TTC23: variants seen among roughly 807,000 people sequenced by gnomAD.
TTC23 encodes the protein tetratricopeptide repeat domain 23.
A neutral mutation model predicts 55.1 loss-of-function variants in TTC23; 58 were observed. That is an observed-to-expected ratio of 1.05 (90% confidence interval 0.85 to 1.31). The LOEUF (loss-of-function observed/expected upper bound fraction) is 1.31, where lower values mean the gene tolerates loss of function less well. Ranked by LOEUF, TTC23 falls within the 50% of genes most tolerant of loss-of-function variation. The probability of loss-of-function intolerance (pLI) is 0.00; values close to 1 mark genes in which losing one functional copy is unlikely to be tolerated. For missense variants in TTC23, 516 were observed against 534.4 expected (o/e 0.97, Z 0.34); for synonymous variants, 203 against 199.9 (o/e 1.02, Z -0.13).
chr15:99,212,426 T>C (rs572287106), intron 8 of TTC23, among the ~76,000 whole-genome samples: 3 of 152,214 alleles, frequency 2.0e-5, no homozygotes, highest in Non-Finnish European at 4.4e-5. Flanking sequence ...TGACTTTCTT[T>C]ACCAGATTTA....
intron 9 of TTC23, among the ~76,000 whole-genome samples, chr15:99,177,160 TCTG>T (rs1371266683): frequency 6.6e-6 from 1 of 152,226 alleles, no homozygotes. Context: ...CATGTTAAAA[TCTG>T]CTAAGCTACT....
intron 11 of TTC23, among the ~76,000 whole-genome samples, chr15:99,156,807 A>G (rs895028806): frequency 6.6e-6 from 1 of 152,218 alleles, no homozygotes; most frequent in African/African-American, 2.4e-5. Flanking sequence ...GTCAGGAAAC[A>G]ACACGAATGT....
chr15:99,245,857 T>C (rs1484723218), intron 1 of TTC23, among the ~76,000 whole-genome samples: 1 of 146,084 alleles, frequency 6.8e-6, no homozygotes, highest in South Asian at 2.1e-4. Context: ...CTCGCTGGAG[T>C]GCAGTGGCGT....
intron 5 of TTC23, among the ~76,000 whole-genome samples, chr15:99,225,380 T>C (rs1178801437): frequency 6.6e-6 from 1 of 152,096 alleles, no homozygotes; most frequent in Non-Finnish European, 1.5e-5. Flanking sequence ...GGAAATCATC[T>C]CACCTGGTCC....
intron 8 of TTC23, among the ~76,000 whole-genome samples, chr15:99,210,976 C>T (rs1350876643): frequency 1.3e-5 from 2 of 152,190 alleles, no homozygotes; most frequent in African/African-American, 4.8e-5. Context: ...TCTTCCCCAT[C>T]CCCTTTCCTT....
At chr15:99,172,036 G>C (rs62025664) in intron 10 of TTC23, among the ~76,000 whole-genome samples, 1 of 147,592 alleles carries the variant, frequency 6.8e-6, no homozygotes, top group Non-Finnish European at 1.5e-5. Context: ...TTTTTTTTTG[G>C]AGACAGAGTA....
intron 3 of TTC23, among the ~76,000 whole-genome samples, chr15:99,238,157 TG>T (rs1440379582): frequency 1.3e-5 from 2 of 151,634 alleles, no homozygotes; most frequent in Non-Finnish European, 2.9e-5. Context: ...TCAGTAGAGA[TG>T]GGGTTTCACC....
intron 12 of TTC23, chr15:99,139,773 T>G (rs782106391): frequency 2.3e-6 from 3 of 1,294,262 alleles, no homozygotes; most frequent in Admixed American, 4.8e-5. Flanking sequence ...AATAGTTTTG[T>G]TTTTTTTGTA....
At chr15:99,218,842 TGTAA>T (rs2077678696) in intron 7 of TTC23, 52 bp downstream of exon 7, 5 of 1,597,912 alleles carry the variant, frequency 3.1e-6, no homozygotes, top group South Asian at 2.2e-5. Flanking sequence ...TTACTTGGCG[TGTAA>T]GTGTTACGTG....
At chr15:99,172,335 T>C (rs2073054520) in intron 10 of TTC23, among the ~76,000 whole-genome samples, 1 of 152,206 alleles carries the variant, frequency 6.6e-6, no homozygotes, top group African/African-American at 2.4e-5. Flanking sequence ...TGAGTGCATG[T>C]CACCGAATGC....
chr15:99,211,801 C>T lies in TTC23; in HGVS notation c.581+6787G>A, dbSNP rs559634446. On this transcript the variant is annotated intron_variant, in intron 8 of 13. Transcript: ENST00000394132. Reference sequence around the variant, plus strand: ...AAGCACAAGATCTACCCAAGTTCTACAGCTGGGAAGTTTGAACAAACACTG... The same window carrying T: ...AAGCACAAGATCTACCCAAGTTCTATAGCTGGGAAGTTTGAACAAACACTG... 2.0e-5 allele frequency among the ~76,000 whole-genome samples: 3 copies of T among 152,312 alleles called. No individual in the cohort carries two copies. In the South Asian group the frequency reaches 6.2e-4, roughly 32 times the overall value.
chr15:99,202,555 T>C (rs1159085658), intron 8 of TTC23, among the ~76,000 whole-genome samples: 8 of 152,234 alleles, frequency 5.3e-5, no homozygotes, highest in Non-Finnish European at 1.2e-4. Context: ...TTTCCTGAGA[T>C]AAGCCACTAA....
At chr15:99,166,450 G>A (rs1360461661) in intron 10 of TTC23, among the ~76,000 whole-genome samples, 7 of 152,162 alleles carry the variant, frequency 4.6e-5, no homozygotes, top group Admixed American at 1.3e-4. Flanking sequence ...TCAGACTTAC[G>A]GACGCCCAGT....
chr15:99,203,178 T>C (rs117309679), intron 8 of TTC23, among the ~76,000 whole-genome samples: 16 of 152,050 alleles, frequency 1.1e-4, no homozygotes, highest in East Asian at 5.8e-4. Flanking sequence ...TCTTATCCAA[T>C]TGAACTTTAA....
intron 8 of TTC23, among the ~76,000 whole-genome samples, chr15:99,213,008 G>GAAA (rs1567501244): frequency 0.079 from 8,175 of 103,632 alleles, 506 homozygotes; most frequent in East Asian, 0.23. Context: ...AAAAAAAAAG[G>GAAA]GGGGGACATA....
chr15:99,236,420 A>G (rs2079320534), intron 3 of TTC23, among the ~76,000 whole-genome samples: 1 of 151,212 alleles, frequency 6.6e-6, no homozygotes, highest in African/African-American at 2.4e-5. Context: ...CTTATTGGCC[A>G]TCTGTATACT....
At chr15:99,138,319 A>T (rs1183356143) in intron 13 of TTC23, among the ~76,000 whole-genome samples, 192 bp from the exon 14 acceptor site, 5 of 146,522 alleles carry the variant, frequency 3.4e-5, no homozygotes, top group African/African-American at 1.0e-4. Flanking sequence ...TATTTTTTTA[A>T]TTTTTTTTTT....
At chr15:99,240,748 G>C (rs900542703) in intron 3 of TTC23, among the ~76,000 whole-genome samples, 1 of 152,176 alleles carries the variant, frequency 6.6e-6, no homozygotes, top group Non-Finnish European at 1.5e-5. Context: ...TAATTTTCCT[G>C]GCCAACACCA....
chr15:99,239,429 G>A (rs1454554072), intron 3 of TTC23, among the ~76,000 whole-genome samples: 1 of 151,914 alleles, frequency 6.6e-6, no homozygotes, highest in African/African-American at 2.4e-5. Flanking sequence ...AGGTTGCAGT[G>A]AGCCGAGACC....
Sources: gnomAD v4.1 joint callset for allele counts (sites outside exome capture counted in the v4.1 genomes callset) on GRCh38, gnomAD v4.1.1 for gene constraint, MANE v1.5 for transcripts, NCBI Gene and HGNC (gene_info 2026-07-23, HGNC 2026-07-21) for gene names.